Variants in GALNT18 observed in about 807,000 individuals in gnomAD.
GALNT18 encodes GalNAc-transferase 18.
GALNT18 carries 44 observed loss-of-function variants against 69.5 expected under a neutral mutation model. The ratio of observed to expected loss-of-function variants is 0.63; its 90% confidence interval spans 0.50 to 0.81. The LOEUF is 0.81. Ranked by LOEUF, GALNT18 falls within the 40% of genes least tolerant of loss-of-function variation. GALNT18 has a pLI of 0.00. For synonymous variants in GALNT18, 364 were observed against 318.2 expected (o/e 1.14, Z -1.53); for missense variants, 715 against 810.0 (o/e 0.88, Z 1.42).
chr11:11,413,314 G>A lies in GALNT18; in HGVS notation c.595+19307C>T, dbSNP rs1325438877. 3.3e-5 allele frequency among the ~76,000 whole-genome samples: 5 copies of A among 152,156 alleles called. No individual in the cohort carries two copies. Among genetic ancestry groups the A allele is most frequent in the Non-Finnish European group, 2.9e-5 (2 of 68,028 alleles). Reference sequence around the variant, plus strand: ...TTCTGCACTGAGTGGCCCTGGAGGGGAAGCAATAGTCTGGCCAAACATCCC... The same window carrying A: ...TTCTGCACTGAGTGGCCCTGGAGGGAAAGCAATAGTCTGGCCAAACATCCC... On this transcript the variant is annotated intron_variant, in intron 3 of 10. Transcript: ENST00000227756. The surrounding 1 kb of genome is among the most constrained non-coding windows in gnomAD (Gnocchi z 4.7).
chr11:11,402,419 C>G lies in GALNT18; in HGVS notation c.596-23155G>C, dbSNP rs540317838. ...CATAAACTGCTTTTATCTTATTGAA[C>G]CAGGCTTTGATGGTGGGTGGCTTCC... On this transcript the variant is annotated intron_variant, in intron 3 of 10. Coordinates refer to ENST00000227756, the MANE Select transcript of GALNT18 (RefSeq NM_198516.3). The surrounding 1 kb of genome is among the most constrained non-coding windows in gnomAD (Gnocchi z 4.0). Among the ~76,000 whole-genome samples the G allele has an allele frequency of 4.1e-4, 62 of 152,314 alleles. No homozygotes were observed. The highest frequency in any genetic ancestry group is 1.0e-3 in the Admixed American group (16 of 15,302).
chr11:11,501,000 C>T lies in GALNT18; in HGVS notation c.236-52064G>A, dbSNP rs547550722. ...GCAGACTGGAAACTGGGCAGAACAG[C>T]AACTCCAAGGAGGCTGACTGCAGAG... On this transcript the variant is annotated intron_variant, in intron 1 of 10. Transcript: ENST00000227756. This position sits in a 1 kb window ranked among gnomAD's most constrained non-coding sequence, Gnocchi z 5.0. 2.6e-5 allele frequency among the ~76,000 whole-genome samples: 4 copies of T among 152,326 alleles called. No homozygotes were observed. The highest frequency in any genetic ancestry group is 2.6e-4 in the Admixed American group (4 of 15,296).
intron 3 of GALNT18, among the ~76,000 whole-genome samples, chr11:11,406,775 G>T (rs1303888766): frequency 6.6e-6 from 1 of 152,226 alleles, no homozygotes; most frequent in Non-Finnish European, 1.5e-5. Context: ...AAAGCCAGCA[G>T]AACAGAAAGG....
At chr11:11,521,499 G>C (rs116130722) in intron 1 of GALNT18, among the ~76,000 whole-genome samples, 110 of 152,152 alleles carry the variant, frequency 7.2e-4, no homozygotes, top group African/African-American at 2.4e-3. Flanking sequence ...TGCAGGCCTT[G>C]TGAAGAGCCA....
chr11:11,550,426 T>C (rs1858160920), intron 1 of GALNT18, among the ~76,000 whole-genome samples: 2 of 152,206 alleles, frequency 1.3e-5, no homozygotes, highest in South Asian at 2.1e-4. Flanking sequence ...ACTTGGCCAA[T>C]CCTTGTGCCA....
At chr11:11,483,470 A>G (rs1182576839) in intron 1 of GALNT18, among the ~76,000 whole-genome samples, 1 of 152,214 alleles carries the variant, frequency 6.6e-6, no homozygotes, top group East Asian at 1.9e-4. Context: ...TTGGTCGAAG[A>G]GGAAAGGATG....
Position 11,494,774 on chromosome 11 carries a change from G to A in GALNT18, c.236-45838C>T, listed in dbSNP as rs1294295103. On this transcript the variant is annotated intron_variant, in intron 1 of 10. Coordinates refer to ENST00000227756, the MANE Select transcript of GALNT18 (RefSeq NM_198516.3). The surrounding 1 kb of genome is among the most constrained non-coding windows in gnomAD (Gnocchi z 5.7). Reference sequence around the variant, plus strand: ...ATAGCCAAATCAGAGAGATGAATCCGGCCCATCGTGCTATTATTCAAAGCT... The same window carrying A: ...ATAGCCAAATCAGAGAGATGAATCCAGCCCATCGTGCTATTATTCAAAGCT... 6.6e-6 allele frequency among the ~76,000 whole-genome samples: 1 copy of A among 152,124 alleles called. No individual in the cohort carries two copies. Among genetic ancestry groups the A allele is most frequent in the African/African-American group, 2.4e-5 (1 of 41,426 alleles).
At chr11:11,487,346 G>A (rs748733891) in intron 1 of GALNT18, among the ~76,000 whole-genome samples, 7 of 151,910 alleles carry the variant, frequency 4.6e-5, no homozygotes, top group African/African-American at 7.3e-5. Context: ...CCAAAACCTC[G>A]CAAATCACTA....
intron 1 of GALNT18, among the ~76,000 whole-genome samples, chr11:11,507,520 C>G (rs1225302121): frequency 6.6e-6 from 1 of 152,146 alleles, no homozygotes; most frequent in African/African-American, 2.4e-5. Flanking sequence ...CTTCCTCTTT[C>G]TTTTCTTCTT....
rs1454720551 is a variant in GALNT18, at chr11:11,604,477, C to A, written c.235+16882G>T. ...AGCGATCTACATCCAGCCCTAGACA[C>A]CCAGGCAGCTTCTGGCAACACCAGT... On this transcript the variant is annotated intron_variant, in intron 1 of 10. Coordinates refer to ENST00000227756, the MANE Select transcript of GALNT18 (RefSeq NM_198516.3). This position sits in a 1 kb window ranked among gnomAD's most constrained non-coding sequence, Gnocchi z 5.6. Among the ~76,000 whole-genome samples, 1 of 152,126 alleles carries A rather than the reference C, an allele frequency of 6.6e-6. No individual in the cohort carries two copies. Among genetic ancestry groups the A allele is most frequent in the South Asian group, 2.1e-4 (1 of 4,818 alleles).
At chr11:11,478,619 C>CA (rs1856452867) in intron 1 of GALNT18, among the ~76,000 whole-genome samples, 1 of 152,158 alleles carries the variant, frequency 6.6e-6, no homozygotes, top group Non-Finnish European at 1.5e-5. Context: ...TGATAGAGCA[C>CA]ATACAAAAAA....
intron 1 of GALNT18, among the ~76,000 whole-genome samples, chr11:11,577,409 T>A (rs1221248906): frequency 6.6e-6 from 1 of 152,126 alleles, no homozygotes; most frequent in Non-Finnish European, 1.5e-5. Flanking sequence ...ACCTTCTCCG[T>A]CCACTCTCTG....
At chr11:11,585,614 C>T (rs1267283204) in intron 1 of GALNT18, among the ~76,000 whole-genome samples, 2 of 152,104 alleles carry the variant, frequency 1.3e-5, no homozygotes, top group African/African-American at 2.4e-5. Context: ...CCTTGGCCTC[C>T]CAAAGTGCTG....
rs1269877046 is a variant in GALNT18 at position 11,312,604 on chromosome 11, T to C, written c.1512+14482A>G. Among the ~76,000 whole-genome samples the C allele has an allele frequency of 2.6e-5, 4 of 152,286 alleles. No homozygotes were observed. The East Asian group carries it at 7.7e-4, about 29-fold the overall frequency. The stretch of plus-strand genomic sequence containing the variant: ...AGTGGATCCATGCAGTTCAAACCCA[T>C]GTTGTTCAAGGGTCAATTGTATCCC... On this transcript the variant is annotated intron_variant, in intron 9 of 10. Coordinates refer to ENST00000227756, the MANE Select transcript of GALNT18 (RefSeq NM_198516.3).
intron 8 of GALNT18, among the ~76,000 whole-genome samples, chr11:11,330,250 T>G (rs1849995058): frequency 6.6e-6 from 1 of 152,158 alleles, no homozygotes; most frequent in Non-Finnish European, 1.5e-5. Context: ...AACAATGTCA[T>G]TTGGGCATGA....
intron 3 of GALNT18, among the ~76,000 whole-genome samples, chr11:11,397,321 A>T (rs1217179533): frequency 1.3e-5 from 2 of 152,174 alleles, no homozygotes; most frequent in Non-Finnish European, 2.9e-5. Flanking sequence ...ACAGATATCA[A>T]AGAGTGTATG....
At position 11,474,028 on chromosome 11, in the gene GALNT18, C is replaced by T. The variant is rs557922301; in HGVS notation, c.236-25092G>A. On this transcript the variant is annotated intron_variant, in intron 1 of 10. Transcript: ENST00000227756. The stretch of plus-strand genomic sequence containing the variant: ...TGTAGTGAGCCCAGATCCGACACTG[C>T]ACTCCAGCCTGGGCGACAGAGTAAG... Among the ~76,000 whole-genome samples the T allele has an allele frequency of 2.0e-5, 3 of 152,332 alleles. No individual in the cohort carries two copies. In the South Asian group the frequency reaches 6.2e-4, roughly 32 times the overall value.
intron 1 of GALNT18, among the ~76,000 whole-genome samples, chr11:11,471,625 G>C (rs576524406): frequency 9.2e-5 from 14 of 152,270 alleles, no homozygotes; most frequent in African/African-American, 3.1e-4. Flanking sequence ...TGTATATAAA[G>C]TCCATAGCAC....
chr11:11,335,867 G>A (rs4564329), intron 7 of GALNT18, among the ~76,000 whole-genome samples: 53,704 of 151,892 alleles, frequency 0.35, 10,827 homozygotes, highest in Non-Finnish European at 0.46. Flanking sequence ...CTCTCCCCTC[G>A]AGATGCTGGA....
Sources: allele counts gnomAD v4.1 joint callset (sites outside exome capture counted in the v4.1 genomes callset), GRCh38; gene constraint gnomAD v4.1.1; non-coding constraint Gnocchi (gnomAD v3.1); transcripts MANE v1.5; gene names NCBI Gene and HGNC (gene_info 2026-07-23, HGNC 2026-07-21).